Variants in UBA2 observed in about 807,000 individuals in gnomAD.
UBA2 encodes SUMO-activating enzyme subunit 2.
A neutral mutation model predicts 77.2 loss-of-function variants in UBA2; 11 were observed. The ratio of observed to expected loss-of-function variants is 0.14; its 90% CI spans 0.09 to 0.24. The LOEUF is 0.24. UBA2 is among the 10% of genes least tolerant of loss of function. The pLI, the probability that UBA2 is intolerant of heterozygous loss-of-function variation, is 1.00. For synonymous variants in UBA2, 278 were observed against 276.7 expected, an observed-to-expected ratio of 1.00 and a Z score of -0.05; for missense variants, 487 against 781.7, an observed-to-expected ratio of 0.62 and a Z score of 4.50.
At position 34,470,810 on chromosome 19, in the gene UBA2, C is replaced by G. The variant is rs545447520; in HGVS notation, c.*1589C>G. 1 of 152,374 alleles carries G rather than the reference C, an allele frequency of 6.6e-6. No homozygotes were observed. Among genetic ancestry groups the G allele is most frequent in the African/African-American group, 2.4e-5 (1 of 41,476 alleles). The allele number at this position is 152,374 out of a possible 1,614,324, so 9.4% of individuals were successfully genotyped here. ...GTGCTGGGATTACAGGCGTGAGCCACTGCGCCTGGCCTAATGGCAGTGTTT... is the reference window on the plus strand; with the variant it reads ...GTGCTGGGATTACAGGCGTGAGCCAGTGCGCCTGGCCTAATGGCAGTGTTT... On this transcript the variant is annotated 3_prime_UTR_variant, in exon 17 of 17. Transcript: ENST00000246548.
chr19:34,451,139 C>A (rs2075490905), intron 9 of UBA2, among the ~76,000 whole-genome samples: 1 of 152,072 alleles, frequency 6.6e-6, no homozygotes, highest in Admixed American at 6.6e-5. Context: ...GTAGCTGGGA[C>A]TGTATGCAAC....
chr19:34,456,239 C>T (rs1250092092), intron 12 of UBA2, among the ~76,000 whole-genome samples: 1 of 150,702 alleles, frequency 6.6e-6, no homozygotes, highest in East Asian at 2.0e-4. Flanking sequence ...CTCAGCCTCT[C>T]AAGTAGCTGG....
intron 14 of UBA2, among the ~76,000 whole-genome samples, chr19:34,461,149 C>T (rs2075626879): frequency 6.6e-6 from 1 of 152,208 alleles, no homozygotes; most frequent in South Asian, 2.1e-4. Context: ...TCCTTGGTCA[C>T]TTTTGCAGCT....
intron 8 of UBA2, among the ~76,000 whole-genome samples, chr19:34,448,125 G>A (rs2075451282): frequency 6.6e-6 from 1 of 152,052 alleles, no homozygotes; most frequent in African/African-American, 2.4e-5. Context: ...GGGATAGAGG[G>A]GATGCACATA....
chr19:34,433,240 T>C (rs1268036781), intron 3 of UBA2, 108 bp from the exon 4 acceptor site: 10 of 740,274 alleles, frequency 1.4e-5, no homozygotes, highest in South Asian at 3.2e-5. Flanking sequence ...AATCCTGATA[T>C]CAGTTTTGTT....
intron 2 of UBA2, 56 bp downstream of exon 2, chr19:34,430,715 C>A: frequency 7.4e-7 from 1 of 1,358,874 alleles, no homozygotes; most frequent in Non-Finnish European, 1.1e-6. Context: ...ATTTGTGATA[C>A]CAGATTAATC....
At position 34,431,244 on chromosome 19, in the gene UBA2, CTTTTTT is replaced by C. The variant is rs1184297228; in HGVS notation, c.223-598_223-593del. 4.4e-3 allele frequency among the ~76,000 whole-genome samples: 308 copies of C among 69,388 alleles called. 1 individual carries two copies. The highest frequency in any genetic ancestry group is 0.017 in the African/African-American group (293 of 17,026). The allele number at this position is 69,388 out of a possible 152,430, so 45.5% of individuals were successfully genotyped here. On this transcript the variant is annotated intron_variant, in intron 2 of 16. Coordinates refer to ENST00000246548, the MANE Select transcript of UBA2 (RefSeq NM_005499.3). ...TTTACTTTTCCTATCATTTTCTTTT[CTTTTTT>C]TTTTTTTTTTTTTTTTTTAGAGATA...
At chr19:34,440,307 CAAAA>C (rs60873964) in intron 6 of UBA2, among the ~76,000 whole-genome samples, 2 of 90,396 alleles carry the variant, frequency 2.2e-5, no homozygotes, top group East Asian at 3.7e-4. Context: ...GATGATGTTT[CAAAA>C]AAAAAAAAAA....
At chr19:34,464,471 T>C (rs2075666504) in intron 15 of UBA2, among the ~76,000 whole-genome samples, 1 of 149,438 alleles carries the variant, frequency 6.7e-6, no homozygotes, top group African/African-American at 2.5e-5. Flanking sequence ...GGTAGGAGAA[T>C]CCCTTGAACC....
intron 12 of UBA2, among the ~76,000 whole-genome samples, chr19:34,457,816 C>G (rs1311047468): frequency 6.6e-6 from 1 of 152,168 alleles, no homozygotes; most frequent in Non-Finnish European, 1.5e-5. Flanking sequence ...GTTTTCTAAA[C>G]TTTAGTAGAA....
intron 8 of UBA2, among the ~76,000 whole-genome samples, chr19:34,447,152 G>A (rs1363817287): frequency 1.3e-5 from 2 of 152,134 alleles, no homozygotes; most frequent in Non-Finnish European, 2.9e-5. Flanking sequence ...TTTGAGGGCA[G>A]GAAGCATCCA....
At chr19:34,450,653 A>C (rs577192535) in intron 9 of UBA2, among the ~76,000 whole-genome samples, 1 of 152,026 alleles carries the variant, frequency 6.6e-6, no homozygotes, top group South Asian at 2.1e-4. Context: ...TTTGTCAGTC[A>C]GTATAGTTAA....
At chr19:34,467,711 C>A (rs1301462399) in intron 16 of UBA2, among the ~76,000 whole-genome samples, 3 of 152,100 alleles carry the variant, frequency 2.0e-5, no homozygotes, top group African/African-American at 7.2e-5. Flanking sequence ...GAGCTGGGAT[C>A]GCGCCACTGC....
rs2075727978 is a variant in UBA2 at position 34,470,844 on chromosome 19, T to C, written c.*1623T>C. 1 of 152,236 alleles carries C rather than the reference T, an allele frequency of 6.6e-6. No homozygotes were observed. Among genetic ancestry groups the C allele is most frequent in the Admixed American group, 6.5e-5 (1 of 15,278 alleles). The allele number at this position is 152,236 out of a possible 1,614,324, so 9.4% of individuals were successfully genotyped here. ...GCCTAATGGCAGTGTTTTTAAAATT[T>C]GGATTGTCAGCAGTTGGCCTTTGTT... On this transcript the variant is annotated 3_prime_UTR_variant, in exon 17 of 17. Coordinates refer to ENST00000246548, the MANE Select transcript of UBA2 (RefSeq NM_005499.3).
At chr19:34,465,637 G>GAA (rs11369547) in intron 15 of UBA2, among the ~76,000 whole-genome samples, 2,671 of 139,624 alleles carry the variant, frequency 0.019, 36 homozygotes, top group South Asian at 0.036. Context: ...CTCCATGTCA[G>GAA]AAAAAAAAAA....
rs1217296675 is a variant in UBA2 at position 34,469,286 on chromosome 19, T to C, written c.*65T>C. The C allele has an allele frequency of 7.8e-6, 11 of 1,406,528 alleles. No individual in the cohort carries two copies. Among genetic ancestry groups the C allele is most frequent in the Middle Eastern group, 3.7e-4 (2 of 5,386 alleles). 87.1% of individuals were successfully genotyped at this position (1,406,528 alleles called of 1,614,324 possible). The stretch of plus-strand genomic sequence containing the variant: ...TTATCTGGGCAGAACCAGATTGTTA[T>C]GTCCTTTGTTCCAAAGGGAAAAAAT... On this transcript the variant is annotated 3_prime_UTR_variant, in exon 17 of 17. Coordinates refer to ENST00000246548, the MANE Select transcript of UBA2 (RefSeq NM_005499.3).
chr19:34,435,108 A>G, intron 5 of UBA2, 140 bp downstream of exon 5: 2 of 628,884 alleles, frequency 3.2e-6, no homozygotes, highest in Non-Finnish European at 5.4e-6. Flanking sequence ...ATAAAACTTA[A>G]AATGCGGGGC....
chr19:34,470,368 T>C lies in UBA2; in HGVS notation c.*1147T>C, dbSNP rs1263067753. On this transcript the variant is annotated 3_prime_UTR_variant, in exon 17 of 17. Transcript: ENST00000246548. Reference sequence around the variant, plus strand: ...GTACTTTCTAAAATAAAGCTCTTCCTGCGTGTGGTGGTGGTGCACATCTGT... The same window carrying C: ...GTACTTTCTAAAATAAAGCTCTTCCCGCGTGTGGTGGTGGTGCACATCTGT... The C allele has an allele frequency of 6.6e-6, 1 of 151,716 alleles. No homozygotes were observed. Among genetic ancestry groups the C allele is most frequent in the Non-Finnish European group, 1.5e-5 (1 of 67,946 alleles). 9.4% of individuals were successfully genotyped at this position (151,716 alleles called of 1,614,324 possible).
chr19:34,438,806 T>A, intron 6 of UBA2, 40 bp downstream of exon 6: 1 of 1,607,508 alleles, frequency 6.2e-7, no homozygotes, highest in South Asian at 1.1e-5. Context: ...TCGGTACTGA[T>A]GATGGAAAAT....
Sources: gnomAD v4.1 joint callset for allele counts (sites outside exome capture counted in the v4.1 genomes callset) on GRCh38, gnomAD v4.1.1 for gene constraint, MANE v1.5 for transcripts, NCBI Gene and HGNC (gene_info 2026-07-23, HGNC 2026-07-21) for gene names.